Variants in CRACD observed in about 807,000 individuals in gnomAD.
CRACD encodes the protein capping protein-inhibiting regulator of actin dynamics.
CRACD carries 56 observed loss-of-function variants against 106.8 expected under a neutral mutation model. The observed-to-expected ratio is 0.52, with a 90% CI of 0.42 to 0.66. The LOEUF (loss-of-function observed/expected upper bound fraction) is 0.66. CRACD is among the 30% of genes least tolerant of loss of function. CRACD has a pLI of 0.00. For synonymous variants in CRACD, 754 were observed against 670.8 expected (o/e 1.12, Z -1.92); for missense variants, 1,730 against 1,623.2 (o/e 1.07, Z -1.13).
chr4:56,085,529 T>G (rs2109813325), intron 1 of CRACD, among the ~76,000 whole-genome samples: 1 of 152,322 alleles, frequency 6.6e-6, no homozygotes, highest in African/African-American at 2.4e-5. Flanking sequence ...TCTTCATCTG[T>G]CTTAGAGGTT....
At chr4:56,262,508 T>C (rs1178610320) in intron 2 of CRACD, among the ~76,000 whole-genome samples, 2 of 142,294 alleles carry the variant, frequency 1.4e-5, no homozygotes, top group Non-Finnish European at 3.2e-5. Flanking sequence ...CATTATGAGA[T>C]TTTTTTGTGA....
chr4:56,117,074 G>A (rs2109849338), intron 1 of CRACD, among the ~76,000 whole-genome samples: 1 of 144,338 alleles, frequency 6.9e-6, no homozygotes, highest in East Asian at 2.1e-4. Context: ...AGGCTGGAGT[G>A]CAGTGGCACG....
chr4:56,324,668 G>C (rs1016207328), intron 10 of CRACD, among the ~76,000 whole-genome samples: 1 of 152,196 alleles, frequency 6.6e-6, no homozygotes, highest in African/African-American at 2.4e-5. Flanking sequence ...CCTATATTCT[G>C]ACAAAGTTGG....
At chr4:56,278,978 AAAG>A (rs1742839590) in intron 3 of CRACD, among the ~76,000 whole-genome samples, 1 of 152,258 alleles carries the variant, frequency 6.6e-6, no homozygotes, top group South Asian at 2.1e-4. Flanking sequence ...TACAGGCAAA[AAAG>A]ATAGACAGTA....
At chr4:56,185,105 C>T (rs908857732) in intron 2 of CRACD, among the ~76,000 whole-genome samples, 39 of 152,226 alleles carry the variant, frequency 2.6e-4, no homozygotes, top group African/African-American at 9.2e-4. Flanking sequence ...CACAGGCGCC[C>T]ACCACCACGC....
At chr4:56,280,062 A>G (rs1742936020) in intron 3 of CRACD, among the ~76,000 whole-genome samples, 1 of 146,720 alleles carries the variant, frequency 6.8e-6, no homozygotes, top group Non-Finnish European at 1.5e-5. Context: ...CAAACACCGC[A>G]TGTTCTCACT....
chr4:56,264,225 G>A (rs751369165), intron 2 of CRACD, among the ~76,000 whole-genome samples: 10 of 152,130 alleles, frequency 6.6e-5, no homozygotes, highest in East Asian at 1.9e-4. Context: ...ACCAGGCCCC[G>A]CCTCCAACAC....
intron 2 of CRACD, among the ~76,000 whole-genome samples, chr4:56,224,270 A>G (rs977737707): frequency 1.3e-5 from 2 of 152,150 alleles, no homozygotes; most frequent in Non-Finnish European, 2.9e-5. Context: ...CTGTCCTTTA[A>G]AAATGACTTG....
At chr4:56,054,120 C>G (rs1293880210) in intron 1 of CRACD, among the ~76,000 whole-genome samples, 1 of 152,104 alleles carries the variant, frequency 6.6e-6, no homozygotes, top group Non-Finnish European at 1.5e-5. Flanking sequence ...TTTGTATGTT[C>G]AGGCAGATAC....
chr4:56,150,426 T>C (rs1304275470), intron 1 of CRACD, among the ~76,000 whole-genome samples: 1 of 152,176 alleles, frequency 6.6e-6, no homozygotes, highest in Non-Finnish European at 1.5e-5. Context: ...ACACAGATCA[T>C]GTATTTACTC....
intron 1 of CRACD, among the ~76,000 whole-genome samples, chr4:56,156,000 G>T (rs1341272734): frequency 2.0e-5 from 3 of 152,102 alleles, no homozygotes; most frequent in Non-Finnish European, 2.9e-5. Context: ...GTTTTGCTCT[G>T]TCACCCAGGC....
chr4:56,213,618 G>C lies in CRACD; in HGVS notation c.-189+34188G>C, dbSNP rs148576310. On this transcript the variant is annotated intron_variant, in intron 2 of 10. Transcript: ENST00000682029. The stretch of plus-strand genomic sequence containing the variant: ...AAGATTTATGGACAGAAAAAGGAAA[G>C]TGACATTAGTAAATGGAAATGAGGT... Among the ~76,000 whole-genome samples the C allele has an allele frequency of 2.2e-3, 331 of 152,270 alleles. 2 individuals carry two copies. Among genetic ancestry groups the C allele is most frequent in the Admixed American group, 3.7e-3 (56 of 15,292 alleles).
intron 1 of CRACD, among the ~76,000 whole-genome samples, chr4:56,167,540 G>A (rs1253505283): frequency 6.6e-6 from 1 of 152,102 alleles, no homozygotes; most frequent in Non-Finnish European, 1.5e-5. Context: ...CCCAGCTTCT[G>A]GTAACCACCA....
chr4:56,266,326 G>A, intron 2 of CRACD, among the ~76,000 whole-genome samples: 1 of 152,176 alleles, frequency 6.6e-6, no homozygotes, highest in Non-Finnish European at 1.5e-5. Context: ...TTCATAGCTA[G>A]TAAAAGATGG....
chr4:56,078,095 AT>A, intron 1 of CRACD, among the ~76,000 whole-genome samples: 1 of 152,308 alleles, frequency 6.6e-6, no homozygotes, highest in African/African-American at 2.4e-5. Context: ...ATAATTATAT[AT>A]TTTTAATTGA....
intron 2 of CRACD, among the ~76,000 whole-genome samples, chr4:56,243,963 T>C (rs1053518081): frequency 2.0e-5 from 3 of 152,176 alleles, no homozygotes; most frequent in African/African-American, 7.2e-5. Flanking sequence ...ATGCTTCTAC[T>C]CTCTATGTCC....
chr4:56,214,007 A>C (rs891635880), intron 2 of CRACD, among the ~76,000 whole-genome samples: 1 of 152,236 alleles, frequency 6.6e-6, no homozygotes, highest in Non-Finnish European at 1.5e-5. Flanking sequence ...CAGATTGGTA[A>C]GACTCAGGTA....
chr4:56,277,057 C>A (rs1742715819), intron 3 of CRACD, among the ~76,000 whole-genome samples: 1 of 152,022 alleles, frequency 6.6e-6, no homozygotes, highest in Admixed American at 6.6e-5. Flanking sequence ...AAGGCATGAA[C>A]CTGTCAGATA....
chr4:56,163,769 A>G (rs1736041399), intron 1 of CRACD, among the ~76,000 whole-genome samples: 2 of 151,586 alleles, frequency 1.3e-5, no homozygotes, highest in South Asian at 4.2e-4. Flanking sequence ...TTTTTGAGAC[A>G]GAGTCTCACT....
Sources: allele counts gnomAD v4.1 joint callset (sites outside exome capture counted in the v4.1 genomes callset), GRCh38; gene constraint gnomAD v4.1.1; transcripts MANE v1.5; gene names NCBI Gene and HGNC (gene_info 2026-07-23, HGNC 2026-07-21).